The following CAPS2 variants were observed in gnomAD, a reference collection of about 807,000 sequenced individuals.
The protein encoded by CAPS2 is calcyphosin-2.
CAPS2 carries 98 observed loss-of-function variants against 86.5 expected under a neutral mutation model. The observed-to-expected ratio is 1.13, with a 90% confidence interval of 0.96 to 1.34. The LOEUF is 1.34. CAPS2 is among the 40% of genes most tolerant of loss of function. The pLI is 0.00. For synonymous variants in CAPS2, 210 were observed against 225.1 expected (o/e 0.93, Z 0.60); for missense variants, 729 against 686.8 (o/e 1.06, Z -0.69).
intron 1 of CAPS2, among the ~76,000 whole-genome samples, chr12:75,376,802 CATG>C (rs2044673965): frequency 6.6e-6 from 1 of 152,100 alleles, no homozygotes; most frequent in Admixed American, 6.5e-5. Context: ...CAGCCACTCG[CATG>C]ATAAGAGCTT....
At chr12:75,283,474 C>T (rs1645064019) in intron 15 of CAPS2, among the ~76,000 whole-genome samples, 1 of 152,070 alleles carries the variant, frequency 6.6e-6, no homozygotes, top group African/African-American at 2.4e-5. Flanking sequence ...AAAATGAAAT[C>T]ATTAGGGTGG....
intron 1 of CAPS2, among the ~76,000 whole-genome samples, chr12:75,340,884 C>T (rs966381762): frequency 1.3e-5 from 2 of 151,832 alleles, no homozygotes; most frequent in African/African-American, 2.4e-5. Flanking sequence ...GGACATATCA[C>T]GACACACCAA....
At chr12:75,289,033 A>T (rs1252119527) in intron 14 of CAPS2, among the ~76,000 whole-genome samples, 1 of 152,188 alleles carries the variant, frequency 6.6e-6, no homozygotes, top group Non-Finnish European at 1.5e-5. Flanking sequence ...CTAGTAGAAG[A>T]TTATTCACAG....
chr12:75,366,688 G>GT (rs1304737985), intron 1 of CAPS2: 7 of 537,590 alleles, frequency 1.3e-5, no homozygotes, highest in Admixed American at 3.4e-5. Context: ...GTGGCCTAGG[G>GT]TTTTTTTGTG....
At chr12:75,286,614 ACT>A (rs1324052808) in intron 14 of CAPS2, among the ~76,000 whole-genome samples, 2 of 151,826 alleles carry the variant, frequency 1.3e-5, no homozygotes, top group African/African-American at 4.8e-5. Flanking sequence ...ACTAATAGTA[ACT>A]CTATATAAAT....
chr12:75,349,003 G>A (rs1653760938), intron 1 of CAPS2, among the ~76,000 whole-genome samples: 1 of 152,144 alleles, frequency 6.6e-6, no homozygotes, highest in South Asian at 2.1e-4. Flanking sequence ...AAGAAATGGA[G>A]CTAAAAGTAT....
At chr12:75,361,138 G>C (rs2043557740) in intron 1 of CAPS2, 1 of 152,122 alleles carries the variant, frequency 6.6e-6, no homozygotes, top group East Asian at 1.9e-4. Context: ...TTTGTGGCTG[G>C]GACTGGGGCT....
rs1331733085 is a variant in CAPS2 at position 75,306,062 on chromosome 12, G to C, written c.660-1186C>G. Reference sequence around the variant, plus strand: ...GCGGCGCCAGAGACAGCGCCGTCTAGAACGTGCTGCGCGTCCTGGGGCTGC... The same window carrying C: ...GCGGCGCCAGAGACAGCGCCGTCTACAACGTGCTGCGCGTCCTGGGGCTGC... On this transcript the variant is annotated intron_variant, in intron 7 of 16. Transcript: ENST00000393284. The C allele has an allele frequency of 2.7e-6, 4 of 1,475,186 alleles. No homozygotes were observed. In the African/African-American group the frequency reaches 5.6e-5, roughly 21 times the overall value. The allele number at this position is 1,475,186 out of a possible 1,614,324, so 91.4% of individuals were successfully genotyped here.
At chr12:75,348,242 A>C (rs1399738321) in intron 1 of CAPS2, among the ~76,000 whole-genome samples, 2 of 152,190 alleles carry the variant, frequency 1.3e-5, no homozygotes, top group Admixed American at 1.3e-4. Flanking sequence ...TATACTAGGA[A>C]GACTATAAAA....
intron 1 of CAPS2, chr12:75,369,719 C>T (rs2044232562): frequency 1.0e-6 from 1 of 984,920 alleles, no homozygotes; most frequent in African/African-American, 1.7e-5. Flanking sequence ...CTGGTTTTGA[C>T]TTTTGTGCCT....
At chr12:75,308,744 A>C (rs556030461) in intron 7 of CAPS2, among the ~76,000 whole-genome samples, 1 of 152,166 alleles carries the variant, frequency 6.6e-6, no homozygotes, top group South Asian at 2.1e-4. Context: ...ATGAGAGCAG[A>C]AACAAGGTGA....
At chr12:75,277,464 A>C in exon 17 of CAPS2, 1 of 918,468 alleles carries the variant, frequency 1.1e-6, no homozygotes, top group Non-Finnish European at 1.3e-6. Flanking sequence ...TTATAGACTT[A>C]TTTCTGCCAA....
chr12:75,328,201 C>G (rs190848988), upstream of CAPS2, among the ~76,000 whole-genome samples: 6 of 152,224 alleles, frequency 3.9e-5, no homozygotes, highest in East Asian at 9.6e-4. Flanking sequence ...GTTGTTTAAT[C>G]ACACAAATTA....
At chr12:75,335,528 A>C (rs1010659838) in intron 1 of CAPS2, among the ~76,000 whole-genome samples, 2 of 152,192 alleles carry the variant, frequency 1.3e-5, no homozygotes, top group African/African-American at 2.4e-5. Context: ...CTATGAGCAT[A>C]AACGTTGATA....
In CAPS2 at chr12:75,369,489, T is replaced by C. The variant is rs554135989; in HGVS notation, c.-395+21349A>G. ...TTTTTTTAAGTAGATTATTTCCTAA[T>C]GAAGTGCTGGATGCTATTAGAATGG... On this transcript the variant is annotated intron_variant, in intron 1 of 5. Coordinates refer to the CAPS2 transcript ENST00000551829. The C allele has an allele frequency of 8.7e-5, 84 of 970,592 alleles. No homozygotes were observed. In the African/African-American group the frequency reaches 1.4e-3, roughly 17 times the overall value. 60.1% of individuals were successfully genotyped at this position (970,592 alleles called of 1,614,324 possible).
chr12:75,336,207 T>C (rs1268259972), intron 1 of CAPS2, among the ~76,000 whole-genome samples: 1 of 151,886 alleles, frequency 6.6e-6, no homozygotes, highest in Non-Finnish European at 1.5e-5. Flanking sequence ...ATTAAAAATA[T>C]ACAAAGAAGT....
At chr12:75,332,378 C>T (rs1384288853), upstream of CAPS2, among the ~76,000 whole-genome samples, 2 of 152,206 alleles carry the variant, frequency 1.3e-5, no homozygotes, top group African/African-American at 4.8e-5. Flanking sequence ...AGCCAACATT[C>T]ACTGAGTACC....
chr12:75,279,325 T>C (rs139457048), intron 16 of CAPS2, among the ~76,000 whole-genome samples: 146 of 152,032 alleles, frequency 9.6e-4, no homozygotes, highest in African/African-American at 2.6e-3. Context: ...TGATCATAAA[T>C]TTTTAAAAAG....
upstream of CAPS2, chr12:75,334,901 T>A: frequency 6.2e-7 from 1 of 1,613,354 alleles, no homozygotes; most frequent in Non-Finnish European, 8.5e-7. Context: ...ATGAAATACA[T>A]GGTGAGAAAG....
Sources: allele counts gnomAD v4.1 joint callset (sites outside exome capture counted in the v4.1 genomes callset), GRCh38; gene constraint gnomAD v4.1.1; transcripts MANE v1.5; gene names NCBI Gene and HGNC (gene_info 2026-07-23, HGNC 2026-07-21).